CYFIP2: variants seen among roughly 807,000 people sequenced by gnomAD.
CYFIP2 encodes the protein cytoplasmic FMR1 interacting protein 2.
Under a neutral mutation model 158.7 loss-of-function variants are expected in CYFIP2, and 29 were observed. The observed-to-expected ratio is 0.18, with a 90% confidence interval of 0.14 to 0.25. The LOEUF (loss-of-function observed/expected upper bound fraction) is 0.25, where lower values mean the gene tolerates loss of function less well. Among genes scored for constraint, CYFIP2 ranks in the 10% least tolerant of loss-of-function variants. The pLI, the probability that CYFIP2 is intolerant of heterozygous loss-of-function variation, is 1.00. For missense variants in CYFIP2, 852 were observed against 1,639.5 expected, an observed-to-expected ratio of 0.52 and a Z score of 8.29; for synonymous variants, 585 against 617.6, an observed-to-expected ratio of 0.95 and a Z score of 0.78.
At chr5:157,337,195 G>A (rs1267544742) in intron 21 of CYFIP2, among the ~76,000 whole-genome samples, 1 of 152,110 alleles carries the variant, frequency 6.6e-6, no homozygotes, top group African/African-American at 2.4e-5. Context: ...CAGCTAGCCA[G>A]GCCCCCAAGA....
chr5:157,275,145 T>G (rs906074413), intron 1 of CYFIP2, among the ~76,000 whole-genome samples: 7 of 152,214 alleles, frequency 4.6e-5, no homozygotes, highest in Non-Finnish European at 8.8e-5. Context: ...TCTGTGGACT[T>G]ACTTTCTTGA....
intron 9 of CYFIP2, among the ~76,000 whole-genome samples, chr5:157,309,299 T>C (rs1309623230): frequency 6.6e-6 from 1 of 152,208 alleles, no homozygotes; most frequent in Non-Finnish European, 1.5e-5. Context: ...TTAGGTATTA[T>C]TACGGTTTTA....
rs11741005 is a variant in CYFIP2, at chr5:157,364,432, C to A, written c.3039+2834C>A. On this transcript the variant is annotated intron_variant, in intron 26 of 30. Coordinates refer to ENST00000620254, the MANE Select transcript of CYFIP2 (RefSeq NM_001037333.3). ...ACAGGACACTCAATGACCTTCAGAG[C>A]TGAGACCTGAGACAGACCCGCTACA... 498 of 152,292 alleles carry A rather than the reference C, an allele frequency of 3.3e-3. 1 individual carries two copies. The highest frequency in any genetic ancestry group is 4.5e-3 in the Non-Finnish European group (306 of 68,038). The allele number at this position is 152,292 out of a possible 1,614,324, so 9.4% of individuals were successfully genotyped here. A position where few individuals can be genotyped will look rare whatever the true frequency, so the allele number is the denominator to read the frequency against.
intron 23 of CYFIP2, 44 bp from the exon 24 acceptor site, chr5:157,358,961 A>T: frequency 6.2e-7 from 1 of 1,613,042 alleles, no homozygotes; most frequent in Non-Finnish European, 8.5e-7. Context: ...ACCAGTGTCC[A>T]TTCAGTACTC....
intron 24 of CYFIP2, among the ~76,000 whole-genome samples, 197 bp downstream of exon 24, chr5:157,359,345 A>G (rs1044545605): frequency 5.9e-5 from 9 of 152,108 alleles, no homozygotes; most frequent in Non-Finnish European, 8.8e-5. Context: ...TTCTGTGCAC[A>G]TTTTGACCTA....
intron 1 of CYFIP2, among the ~76,000 whole-genome samples, chr5:157,278,322 A>G (rs1238245668): frequency 6.6e-6 from 1 of 152,214 alleles, no homozygotes; most frequent in Non-Finnish European, 1.5e-5. Context: ...TTCATGAAAC[A>G]CAAAGGTGAC....
At chr5:157,308,091 C>T (rs574376855) in intron 9 of CYFIP2, among the ~76,000 whole-genome samples, 2 of 151,918 alleles carry the variant, frequency 1.3e-5, no homozygotes, top group Non-Finnish European at 2.9e-5. Flanking sequence ...GAAAGCCACA[C>T]ATCGTTCCAA....
At chr5:157,362,104 C>T (rs1763883293) in intron 26 of CYFIP2, among the ~76,000 whole-genome samples, 1 of 152,198 alleles carries the variant, frequency 6.6e-6, no homozygotes, top group Non-Finnish European at 1.5e-5. Context: ...TGGGTGGGGG[C>T]TTATAGTCAT....
At chr5:157,288,104 A>T (rs1757533414) in intron 3 of CYFIP2, among the ~76,000 whole-genome samples, 1 of 152,080 alleles carries the variant, frequency 6.6e-6, no homozygotes, top group Non-Finnish European at 1.5e-5. Flanking sequence ...AAAAAATAAG[A>T]GTAGTGGCTT....
At chr5:157,293,368 A>G (rs1038276184) in intron 3 of CYFIP2, among the ~76,000 whole-genome samples, 3 of 152,114 alleles carry the variant, frequency 2.0e-5, no homozygotes, top group African/African-American at 7.2e-5. Context: ...GAGCCCAGGT[A>G]TTCGGACCTT....
At chr5:157,364,387 C>T (rs1032144233) in intron 26 of CYFIP2, 1 of 152,160 alleles carries the variant, frequency 6.6e-6, no homozygotes, top group Admixed American at 6.5e-5. Context: ...GGTGGTCACT[C>T]ACATGTATCA....
intron 7 of CYFIP2, 85 bp downstream of exon 7, chr5:157,302,975 A>G (rs538036287): frequency 6.9e-6 from 7 of 1,018,570 alleles, no homozygotes; most frequent in South Asian, 6.4e-5. Flanking sequence ...CACGAGCCCA[A>G]GCAGACAAGC....
rs1486007509 is a variant in CYFIP2 at position 157,314,383 on chromosome 5, G to A, written c.1150G>A (p.Glu384Lys). Residue 384 changes from glutamate to lysine, a missense_variant, in exon 12 of 31, where the codon GAG becomes AAG. Physicochemically the swap from Glu to Lys is moderately conservative, Grantham distance 56. This residue lies in a region of CYFIP2 where 133 missense variants were observed against 197.1 expected (regional missense o/e 0.67). Coordinates refer to ENST00000620254, the MANE Select transcript of CYFIP2 (RefSeq NM_001037333.3). ...AGGGCTGGACAGCCAGAAGTCAGAC[G>A]AGGAGTATCGCGAGCTCTTCGACCT... ...GSGLDSQKSD[E>K]EYRELFDLAL... The A allele has an allele frequency of 2.5e-6, 4 of 1,613,902 alleles. No homozygotes were observed. Among genetic ancestry groups the A allele is most frequent in the South Asian group, 2.2e-5 (2 of 91,066 alleles).
chr5:157,326,361 G>A, intron 18 of CYFIP2, 94 bp downstream of exon 18: 1 of 1,055,588 alleles, frequency 9.5e-7, no homozygotes, highest in Non-Finnish European at 1.5e-6. Context: ...AGGAGTATCA[G>A]TGACTTGTTC....
At chr5:157,309,900 G>T in intron 10 of CYFIP2, 66 bp downstream of exon 10, 2 of 1,443,518 alleles carry the variant, frequency 1.4e-6, no homozygotes, top group Non-Finnish European at 1.9e-6. Flanking sequence ...AGAGCCGAGG[G>T]GCCACTTCAG....
rs1763612056 is a variant in CYFIP2 at position 157,358,995 on chromosome 5, T to C, written c.2674-10T>C. ...TCAGGCACTTATTTGCCACTACCTC[T>C]GTTTTCCAGCCTCTCAACATTGCCT... On this transcript the variant is annotated splice_polypyrimidine_tract_variant and intron_variant, in intron 23 of 30. Coordinates refer to ENST00000620254, the MANE Select transcript of CYFIP2 (RefSeq NM_001037333.3). The C allele has an allele frequency of 6.2e-7, 1 of 1,613,886 alleles. No homozygotes were observed. Among genetic ancestry groups the C allele is most frequent in the Non-Finnish European group, 8.5e-7 (1 of 1,179,864 alleles).
chr5:157,302,595 C>T (rs983800590), intron 6 of CYFIP2, among the ~76,000 whole-genome samples, 199 bp from the exon 7 acceptor site: 8 of 152,196 alleles, frequency 5.3e-5, no homozygotes, highest in Admixed American at 2.0e-4. Flanking sequence ...GCCCTTATTA[C>T]AAGGGTGTAG....
At chr5:157,363,268 A>G (rs1764011447) in intron 26 of CYFIP2, 1 of 152,204 alleles carries the variant, frequency 6.6e-6, no homozygotes, top group Non-Finnish European at 1.5e-5. Context: ...CATTCTCAGA[A>G]CCTAGTGGGA....
chr5:157,381,997 A>C (rs1766174676), intron 26 of CYFIP2, among the ~76,000 whole-genome samples: 1 of 151,782 alleles, frequency 6.6e-6, no homozygotes, highest in Admixed American at 6.7e-5. Flanking sequence ...GCCCTAACCA[A>C]GCTTCCCCTC....
Sources: gnomAD v4.1 joint callset for allele counts (sites outside exome capture counted in the v4.1 genomes callset) on GRCh38, gnomAD v4.1.1 for gene constraint, gnomAD v4.1.1 regional missense constraint, MANE v1.5 for transcripts, NCBI Gene and HGNC (gene_info 2026-07-23, HGNC 2026-07-21) for gene names.